ZNF432: variants seen among roughly 807,000 people sequenced by gnomAD.
ZNF432 encodes the protein zinc finger protein 432.
ZNF432 carries 10 observed loss-of-function variants against 13.9 expected under a neutral mutation model. That is an observed-to-expected ratio of 0.72 (90% CI 0.44 to 1.22). The LOEUF (loss-of-function observed/expected upper bound fraction) is 1.22, where lower values mean the gene tolerates loss of function less well. Ranked by LOEUF, ZNF432 falls within the 50% of genes most tolerant of loss-of-function variation. ZNF432 has a pLI of 0.00. For missense variants in ZNF432, 793 were observed against 796.2 expected, an observed-to-expected ratio of 1.00 and a Z score of 0.05; for synonymous variants, 247 against 256.2, an observed-to-expected ratio of 0.96 and a Z score of 0.34.
intron 2 of ZNF432, among the ~76,000 whole-genome samples, chr19:52,046,007 C>CAAAAAAAAAAAAAAAAAAAAAA (rs201110474): frequency 1.1e-5 from 1 of 87,082 alleles, no homozygotes; most frequent in Admixed American, 1.3e-4. Context: ...AAACAAAAAC[C>CAAAAAAAAAAAAAAAAAAAAAA]AAAAAAAAAA....
chr19:52,034,555 C>CAT lies in ZNF432; in HGVS notation c.1122_1123dup (p.Cys375TyrfsTer11), dbSNP rs771807385. On this transcript the variant is annotated frameshift_variant, in exon 5 of 5. Transcript: ENST00000221315. LOFTEE classifies it low-confidence loss of function (END_TRUNC). ...GGTGAAGCCTTTCCCACATTCATTG[C>CAT]ATATATATGGTTTCTCTCCTGTATG... 4.3e-6 allele frequency: 7 copies of CAT among 1,613,642 alleles called. No homozygotes were observed. Among genetic ancestry groups the CAT allele is most frequent in the Non-Finnish European group, 5.9e-6 (7 of 1,179,990 alleles).
intron 2 of ZNF432, among the ~76,000 whole-genome samples, chr19:52,042,843 C>T (rs1182652707): frequency 6.6e-6 from 1 of 152,066 alleles, no homozygotes; most frequent in Admixed American, 6.5e-5. Flanking sequence ...TAACATTATG[C>T]AAACAACTGT....
chr19:52,040,438 T>C, intron 4 of ZNF432, 50 bp downstream of exon 4: 1 of 1,532,264 alleles, frequency 6.5e-7, no homozygotes, highest in Non-Finnish European at 9.0e-7. Flanking sequence ...CACAGAGCCT[T>C]CTTTCACTGA....
chr19:52,046,786 T>G, intron 2 of ZNF432, 68 bp downstream of exon 2: 1 of 1,503,992 alleles, frequency 6.6e-7, no homozygotes, highest in Non-Finnish European at 9.1e-7. Flanking sequence ...GATTCTGAAA[T>G]GATTTCTTAC....
chr19:52,031,695 T>A lies in ZNF432; in HGVS notation c.*2025A>T, dbSNP rs2087015029. ...GGTCATATTGGGAGGACAGTGTGAG[T>A]ATAAAGAGGTAGCAAGAGGAGGCCA... On this transcript the variant is annotated 3_prime_UTR_variant, in exon 5 of 5. Coordinates refer to ENST00000221315, the MANE Select transcript of ZNF432 (RefSeq NM_014650.4). 2 of 151,978 alleles carry A rather than the reference T, an allele frequency of 1.3e-5. No homozygotes were observed. 9.4% of individuals were successfully genotyped at this position (151,978 alleles called of 1,614,324 possible).
chr19:52,040,607 A>G, intron 3 of ZNF432, 24 bp from the exon 4 acceptor site: 1 of 1,594,412 alleles, frequency 6.3e-7, no homozygotes, highest in Non-Finnish European at 8.6e-7. Flanking sequence ...ATAATAGAAG[A>G]CAGACACACT....
chr19:52,045,924 C>T (rs1001773783), intron 2 of ZNF432, among the ~76,000 whole-genome samples: 1 of 145,342 alleles, frequency 6.9e-6, no homozygotes, highest in African/African-American at 2.6e-5. Flanking sequence ...GAACCCAGGA[C>T]GTGGAGGTTG....
In ZNF432 at chr19:52,034,692, C is replaced by G. The variant is rs140454175; in HGVS notation, c.987G>C (p.Lys329Asn). Residue 329 changes from lysine (K) to asparagine (N), a missense_variant, in exon 5 of 5, where the codon AAG (lysine) becomes AAC (asparagine). Lys to Asn is a moderately conservative substitution (Grantham distance 94). Transcript: ENST00000221315. ...CSECGKGFTG[K>N]SMLIIHQRTH... ...TTCGCTGATGTATAATAAGCATGCT[C>G]TTCCCAGTGAAGCCTTTTCCACATT... 62 of 1,613,798 alleles carry G rather than the reference C, an allele frequency of 3.8e-5. No individual in the cohort carries two copies. In the African/African-American group the frequency reaches 7.2e-4, roughly 19 times the overall value.
intron 4 of ZNF432, among the ~76,000 whole-genome samples, chr19:52,038,186 C>T (rs1295335376): frequency 7.9e-5 from 12 of 152,240 alleles, no homozygotes; most frequent in African/African-American, 1.9e-4. Context: ...TTCTGCTCCA[C>T]GATTTCTCCA....
Position 52,046,917 on chromosome 19 carries a change from TCTC to T in ZNF432, c.-52_-50del. On this transcript the variant is annotated 5_prime_UTR_variant, in exon 2 of 5. Transcript: ENST00000221315. The stretch of plus-strand genomic sequence containing the variant: ...CAGCACCTGGGATACTCTGTCTTTG[TCTC>T]CTCTGGATCTGCCTTAAATTTCTAT... 1 of 1,607,678 alleles carries T rather than the reference TCTC, an allele frequency of 6.2e-7. No homozygotes were observed. The highest frequency in any genetic ancestry group is 8.5e-7 in the Non-Finnish European group (1 of 1,176,330).
chr19:52,033,374 TG>T lies in ZNF432; in HGVS notation c.*345del, dbSNP rs1222787225. The T allele has an allele frequency of 4.6e-6, 1 of 216,642 alleles. No individual in the cohort carries two copies. Among genetic ancestry groups the T allele is most frequent in the Non-Finnish European group, 9.2e-6 (1 of 108,518 alleles). The allele number at this position is 216,642 out of a possible 1,614,324, so 13.4% of individuals were successfully genotyped here. A position where few individuals can be genotyped will look rare whatever the true frequency, so the allele number is the denominator to read the frequency against. ...TTCTCTCTGCATGAATTTGTTTGTA[TG>T]TAATCAGTTCAGATTCTCTGCAAAA... On this transcript the variant is annotated 3_prime_UTR_variant, in exon 5 of 5. Coordinates refer to ENST00000221315, the MANE Select transcript of ZNF432 (RefSeq NM_014650.4).
intron 3 of ZNF432, among the ~76,000 whole-genome samples, chr19:52,041,177 A>G (rs1202435463): frequency 6.6e-6 from 1 of 152,190 alleles, no homozygotes; most frequent in Admixed American, 6.5e-5. Context: ...CATTGTATTA[A>G]GTATCAGGCA....
At chr19:52,040,182 T>C (rs1227723699) in intron 4 of ZNF432, among the ~76,000 whole-genome samples, 1 of 152,124 alleles carries the variant, frequency 6.6e-6, no homozygotes, top group Non-Finnish European at 1.5e-5. Context: ...TATGACCTGG[T>C]TTGGTCTAGA....
At chr19:52,040,998 G>C (rs1219861923) in intron 3 of ZNF432, among the ~76,000 whole-genome samples, 2 of 151,856 alleles carry the variant, frequency 1.3e-5, no homozygotes, top group Non-Finnish European at 1.5e-5. Context: ...TAGTTCCTCA[G>C]GAGGCTGAGG....
At chr19:52,041,004 T>C (rs2087130945) in intron 3 of ZNF432, among the ~76,000 whole-genome samples, 1 of 151,500 alleles carries the variant, frequency 6.6e-6, no homozygotes, top group Non-Finnish European at 1.5e-5. Context: ...CTCAGGAGGC[T>C]GAGGCAGGAG....
At position 52,033,464 on chromosome 19, in the gene ZNF432, T is replaced by C; in HGVS notation, c.*256A>G. The C allele has an allele frequency of 2.4e-6, 1 of 425,094 alleles. No homozygotes were observed. The highest frequency in any genetic ancestry group is 3.9e-5 in the East Asian group (1 of 25,782). The allele number at this position is 425,094 out of a possible 1,614,324, so 26.3% of individuals were successfully genotyped here. Reference sequence around the variant, plus strand: ...CATAGTTTTAATGAAGGTTGACAAATGAAAGGTTACCCCCAATCCACAGAC... The same window carrying C: ...CATAGTTTTAATGAAGGTTGACAAACGAAAGGTTACCCCCAATCCACAGAC... On this transcript the variant is annotated 3_prime_UTR_variant, in exon 5 of 5. Transcript: ENST00000221315.
At chr19:52,040,322 G>A (rs2087121991) in intron 4 of ZNF432, 166 bp downstream of exon 4, 3 of 664,686 alleles carry the variant, frequency 4.5e-6, no homozygotes, top group Non-Finnish European at 5.4e-6. Context: ...CAGATGTATG[G>A]TACTAAAGGA....
chr19:52,040,688 G>A (rs1428690342), intron 3 of ZNF432, 105 bp from the exon 4 acceptor site: 7 of 880,788 alleles, frequency 7.9e-6, no homozygotes, highest in Non-Finnish European at 1.3e-5. Context: ...ACATCTGAAA[G>A]TAGAGGCTTC....
chr19:52,041,632 A>G, intron 2 of ZNF432, 26 bp from the exon 3 acceptor site: 1 of 1,613,924 alleles, frequency 6.2e-7, no homozygotes, highest in Admixed American at 1.7e-5. Flanking sequence ...GCCTTGCTTA[A>G]TAGGAAGTGT....
Sources: gnomAD v4.1 joint callset for allele counts (sites outside exome capture counted in the v4.1 genomes callset) on GRCh38, gnomAD v4.1.1 for gene constraint, MANE v1.5 for transcripts, NCBI Gene and HGNC (gene_info 2026-07-23, HGNC 2026-07-21) for gene names.